CDK5RAP1: variants seen among roughly 807,000 people sequenced by gnomAD.
The protein encoded by CDK5RAP1 is mitochondrial tRNA methylthiotransferase CDK5RAP1.
In CDK5RAP1, 62 loss-of-function variants were observed where a neutral mutation model predicts 64.5. The observed-to-expected ratio is 0.96, with a 90% CI of 0.78 to 1.19. CDK5RAP1 has a LOEUF of 1.19. Ranked by LOEUF, CDK5RAP1 falls within the 50% of genes most tolerant of loss-of-function variation. The pLI, the probability that CDK5RAP1 is intolerant of heterozygous loss-of-function variation, is 0.00. For synonymous variants in CDK5RAP1, 250 were observed against 261.9 expected (o/e 0.95, Z 0.44); for missense variants, 657 against 735.0 (o/e 0.89, Z 1.23).
intron 8 of CDK5RAP1, among the ~76,000 whole-genome samples, chr20:33,376,975 C>T (rs7354739): frequency 2.0e-5 from 3 of 152,106 alleles, no homozygotes; most frequent in Non-Finnish European, 4.4e-5. Context: ...CTTAAGGGCC[C>T]TAGGATTTTC....
intron 11 of CDK5RAP1, among the ~76,000 whole-genome samples, chr20:33,368,724 A>G (rs1260745461): frequency 1.3e-5 from 2 of 151,954 alleles, no homozygotes; most frequent in Non-Finnish European, 2.9e-5. Context: ...ATACAAAATT[A>G]GCCAGGCGTG....
chr20:33,394,341 G>A (rs1988672697), intron 3 of CDK5RAP1, among the ~76,000 whole-genome samples: 1 of 151,756 alleles, frequency 6.6e-6, no homozygotes, highest in African/African-American at 2.4e-5. Flanking sequence ...TAGTAGAGAT[G>A]GGGTTTTACC....
intron 11 of CDK5RAP1, among the ~76,000 whole-genome samples, chr20:33,369,580 T>C (rs1051988404): frequency 1.3e-5 from 2 of 152,068 alleles, no homozygotes; most frequent in South Asian, 4.1e-4. Flanking sequence ...GATACATACA[T>C]TGGCACAGTT....
chr20:33,373,905 C>G (rs1985524805), intron 9 of CDK5RAP1: 1 of 553,854 alleles, frequency 1.8e-6, no homozygotes, highest in Non-Finnish European at 3.2e-6. Flanking sequence ...TTAAACTAAA[C>G]AGTGAAAATG....
intron 4 of CDK5RAP1, among the ~76,000 whole-genome samples, chr20:33,393,316 T>C (rs1174025136): frequency 1.3e-5 from 2 of 152,104 alleles, no homozygotes; most frequent in Non-Finnish European, 2.9e-5. Flanking sequence ...GCTGGGATTA[T>C]AGGTGTGACC....
intron 8 of CDK5RAP1, among the ~76,000 whole-genome samples, chr20:33,377,233 A>G (rs1217060374): frequency 6.6e-6 from 1 of 152,202 alleles, no homozygotes; most frequent in Non-Finnish European, 1.5e-5. Context: ...GAAGAATGGC[A>G]CTGATTTCTC....
At chr20:33,374,720 C>T (rs997983776) in intron 8 of CDK5RAP1, among the ~76,000 whole-genome samples, 1 of 151,952 alleles carries the variant, frequency 6.6e-6, no homozygotes, top group Non-Finnish European at 1.5e-5. Context: ...CAAACCACCA[C>T]ACCTGGCTAA....
At chr20:33,395,212 A>G (rs1029367147) in intron 2 of CDK5RAP1, 96 bp from the exon 3 acceptor site, 3 of 734,842 alleles carry the variant, frequency 4.1e-6, no homozygotes, top group African/African-American at 1.7e-5. Flanking sequence ...GAAATATCTG[A>G]GGCATCTGGT....
At chr20:33,392,081 C>A (rs906489527) in intron 5 of CDK5RAP1, 61 bp downstream of exon 5, 3 of 1,019,514 alleles carry the variant, frequency 2.9e-6, no homozygotes, top group African/African-American at 3.2e-5. Flanking sequence ...GAAACACTAG[C>A]AAATAAAGCC....
intron 7 of CDK5RAP1, among the ~76,000 whole-genome samples, chr20:33,382,438 T>C (rs180902088): frequency 3.3e-5 from 5 of 152,262 alleles, no homozygotes; most frequent in Non-Finnish European, 5.9e-5. Flanking sequence ...CCTAGCACTT[T>C]AGGAGGCCAA....
At chr20:33,379,849 C>G (rs1388833489) in intron 7 of CDK5RAP1, among the ~76,000 whole-genome samples, 158 bp from the exon 8 acceptor site, 1 of 151,976 alleles carries the variant, frequency 6.6e-6, no homozygotes, top group Non-Finnish European at 1.5e-5. Flanking sequence ...TGTCTATAAC[C>G]GAATAATTTC....
intron 9 of CDK5RAP1, chr20:33,373,765 G>A (rs1985503327): frequency 8.9e-6 from 2 of 224,616 alleles, no homozygotes; most frequent in African/African-American, 4.5e-5. Context: ...ATACTAAACA[G>A]TGAAAATGGA....
At chr20:33,401,520 A>T (rs1205992286), upstream of CDK5RAP1, 1 of 985,110 alleles carries the variant, frequency 1.0e-6, no homozygotes, top group Non-Finnish European at 1.2e-6. Context: ...GTTCATACAC[A>T]AGCGACTTCC....
intron 8 of CDK5RAP1, among the ~76,000 whole-genome samples, chr20:33,376,489 C>A (rs1465588286): frequency 2.0e-5 from 3 of 152,084 alleles, no homozygotes; most frequent in Non-Finnish European, 2.9e-5. Context: ...ACTGTTGAGA[C>A]CTACTGCTTA....
Position 33,379,542 on chromosome 20 carries a change from A to C in CDK5RAP1, c.1026T>G (p.His342Gln). 2 of 1,614,172 alleles carry C rather than the reference A, an allele frequency of 1.2e-6. No individual in the cohort carries two copies. Among genetic ancestry groups the C allele is most frequent in the Non-Finnish European group, 1.7e-6 (2 of 1,180,014 alleles). The change falls in exon 8 of 14, where the codon CAT (histidine) becomes CAG (glutamine). Residue 342 changes from histidine to glutamine, a missense_variant. Coordinates refer to ENST00000346416, the MANE Select transcript of CDK5RAP1 (RefSeq NM_016408.4). ...KTKQGGLRFAHLLDQVSRVDP... is the reference protein window; with the variant it reads ...KTKQGGLRFAQLLDQVSRVDP... ...CTACTCTGGAGACCTGATCCAGAAG[A>C]TGAGCAAAACGAAGTCCTCCTTGCT...
intron 8 of CDK5RAP1, 46 bp downstream of exon 8, chr20:33,379,415 C>A: frequency 7.1e-7 from 1 of 1,413,222 alleles, no homozygotes. Flanking sequence ...CTTTGGCATG[C>A]TCAAGAATAC....
intron 5 of CDK5RAP1, 33 bp from the exon 6 acceptor site, chr20:33,387,566 CA>C: frequency 6.5e-7 from 1 of 1,544,970 alleles, no homozygotes; most frequent in Middle Eastern, 1.7e-4. Context: ...CACCTTTCCC[CA>C]AATCCACCTG....
intron 1 of CDK5RAP1, among the ~76,000 whole-genome samples, chr20:33,400,999 T>G (rs1275415112): frequency 1.3e-5 from 2 of 152,208 alleles, no homozygotes; most frequent in Non-Finnish European, 2.9e-5. Context: ...TAACGCAATG[T>G]AGAAGCCTCT....
At chr20:33,370,739 T>C in intron 10 of CDK5RAP1, 110 bp from the exon 11 acceptor site, 1 of 1,134,404 alleles carries the variant, frequency 8.8e-7, no homozygotes, top group Non-Finnish European at 1.3e-6. Context: ...AGGTCCTCCC[T>C]AGGACTATTC....
Sources: gnomAD v4.1 joint callset for allele counts (sites outside exome capture counted in the v4.1 genomes callset) on GRCh38, gnomAD v4.1.1 for gene constraint, MANE v1.5 for transcripts, NCBI Gene and HGNC (gene_info 2026-07-23, HGNC 2026-07-21) for gene names.